Variants in RLF observed in about 807,000 individuals in gnomAD.
The protein encoded by RLF is zinc finger protein Rlf.
Under a neutral mutation model 162.9 loss-of-function variants are expected in RLF, and 7 were observed. That is an observed-to-expected ratio of 0.04 (90% CI 0.02 to 0.08). The LOEUF is 0.08. Ranked by LOEUF, RLF falls within the 10% of genes least tolerant of loss-of-function variation. RLF has a pLI of 1.00. For missense variants in RLF, 1,664 were observed against 2,244.7 expected, an observed-to-expected ratio of 0.74 and a Z score of 5.23; for synonymous variants, 782 against 791.5, an observed-to-expected ratio of 0.99 and a Z score of 0.20.
intron 1 of RLF, among the ~76,000 whole-genome samples, chr1:40,178,910 C>G (rs1334217700): frequency 1.4e-4 from 22 of 152,130 alleles, no homozygotes; most frequent in Admixed American, 1.4e-3. Context: ...TCTCAGCTCA[C>G]TGCAGCCTCC....
At chr1:40,228,383 A>G (rs1318714995) in intron 6 of RLF, among the ~76,000 whole-genome samples, 1 of 151,814 alleles carries the variant, frequency 6.6e-6, no homozygotes, top group Non-Finnish European at 1.5e-5. Flanking sequence ...CAGGAGTTCA[A>G]GACCAGCCTG....
chr1:40,175,639 A>G (rs1642314558), intron 1 of RLF, among the ~76,000 whole-genome samples: 1 of 151,818 alleles, frequency 6.6e-6, no homozygotes, highest in African/African-American at 2.4e-5. Context: ...ACAGAGTGAG[A>G]CTCCGACTCA....
At chr1:40,217,793 A>G (rs192105426) in intron 5 of RLF, among the ~76,000 whole-genome samples, 115 of 152,224 alleles carry the variant, frequency 7.6e-4, no homozygotes, top group Non-Finnish European at 1.5e-3. Context: ...AGAAAGAAAG[A>G]AAAACCCAAC....
chr1:40,191,928 ATT>A (rs1557744980), intron 3 of RLF, among the ~76,000 whole-genome samples: 1 of 152,190 alleles, frequency 6.6e-6, no homozygotes. Flanking sequence ...TTACACACAG[ATT>A]TCAAACCCTG....
In RLF at chr1:40,238,890, A is replaced by G. The variant is rs1473307707; in HGVS notation, c.4188A>G (p.Lys1396=). 3.1e-6 allele frequency: 5 copies of G among 1,614,128 alleles called. No individual in the cohort carries two copies. In the African/African-American group the frequency reaches 6.7e-5, roughly 22 times the overall value. Residue 1396 remains lysine, a synonymous_variant, in exon 8 of 8, where the codon AAA becomes AAG. Transcript: ENST00000372771. This position sits in a 1 kb window ranked among gnomAD's most constrained non-coding sequence, Gnocchi z 5.2. The part of the protein sequence containing the change: ...SHNLDHIEEP[K]VLSEAGSAAR... Reference sequence around the variant, plus strand: ...ACCTAGACCATATTGAAGAGCCTAAAGTACTTTCCGAAGCTGGATCTGCAG... The same window carrying G: ...ACCTAGACCATATTGAAGAGCCTAAGGTACTTTCCGAAGCTGGATCTGCAG...
intron 3 of RLF, among the ~76,000 whole-genome samples, chr1:40,194,176 G>A (rs1048024853): frequency 4.7e-5 from 7 of 149,752 alleles, no homozygotes; most frequent in Non-Finnish European, 8.9e-5. Context: ...GACTTTTCAG[G>A]ACATTTTATA....
In RLF at chr1:40,173,073, G is replaced by GTTTTTTTTTTTTT. The variant is rs765020752; in HGVS notation, c.237+11443_237+11455dup. 5.5e-3 allele frequency among the ~76,000 whole-genome samples: 706 copies of GTTTTTTTTTTTTT among 128,808 alleles called. 33 individuals are homozygous for GTTTTTTTTTTTTT. The highest frequency in any genetic ancestry group is 0.022 in the African/African-American group (677 of 31,054). 84.5% of individuals were successfully genotyped at this position (128,808 alleles called of 152,430 possible). A position where few individuals can be genotyped will look rare whatever the true frequency, so the allele number is the denominator to read the frequency against. ...TAATTTGCATTTTAGTAACATTCAG[G>GTTTTTTTTTTTTT]TTTTTTTTTTTTTTTTTTGTGAGGC... On this transcript the variant is annotated intron_variant, in intron 1 of 7. Transcript: ENST00000372771.
Position 40,161,573 on chromosome 1 carries a change from A to C in RLF, c.174A>C (p.Thr58=). The part of the protein sequence containing the change: ...GLRPCLWQLE[T]ELREQEVSEV... Reference sequence around the variant, plus strand: ...GGCCGTGTCTGTGGCAGCTGGAGACAGAGCTGAGGGAGCAAGAGGTGTCGG... The same window carrying C: ...GGCCGTGTCTGTGGCAGCTGGAGACCGAGCTGAGGGAGCAAGAGGTGTCGG... Residue 58 remains threonine, a synonymous_variant, in exon 1 of 8, where the codon ACA becomes ACC. Coordinates refer to ENST00000372771, the MANE Select transcript of RLF (RefSeq NM_012421.4). This position sits in a 1 kb window ranked among gnomAD's most constrained non-coding sequence, Gnocchi z 4.4. 1 of 1,612,570 alleles carries C rather than the reference A, an allele frequency of 6.2e-7. No individual in the cohort carries two copies. Among genetic ancestry groups the C allele is most frequent in the East Asian group, 2.2e-5 (1 of 44,698 alleles).
intron 1 of RLF, among the ~76,000 whole-genome samples, chr1:40,185,857 A>C (rs1381553064): frequency 2.0e-5 from 3 of 148,388 alleles, no homozygotes; most frequent in South Asian, 2.1e-4. Flanking sequence ...AAAAAAAAAA[A>C]AAAAAAAACC....
At chr1:40,225,918 G>A (rs1002428664) in intron 6 of RLF, among the ~76,000 whole-genome samples, 16 of 147,488 alleles carry the variant, frequency 1.1e-4, no homozygotes, top group African/African-American at 4.1e-4. Flanking sequence ...GGATGGTAGT[G>A]GTACGCACCT....
At chr1:40,179,562 G>A (rs1310046095) in intron 1 of RLF, among the ~76,000 whole-genome samples, 2 of 135,368 alleles carry the variant, frequency 1.5e-5, no homozygotes, top group Non-Finnish European at 3.1e-5. Flanking sequence ...TTTTTTTTTG[G>A]TACTTTTATT....
At chr1:40,164,906 CA>C (rs144187322) in intron 1 of RLF, among the ~76,000 whole-genome samples, 1,701 of 152,164 alleles carry the variant, frequency 0.011, 41 homozygotes, top group African/African-American at 0.039. Flanking sequence ...GTAAGTACTC[CA>C]TTAAAATTTC....
intron 7 of RLF, among the ~76,000 whole-genome samples, chr1:40,234,101 A>G (rs1188502983): frequency 6.6e-6 from 1 of 152,104 alleles, no homozygotes; most frequent in East Asian, 1.9e-4. Flanking sequence ...GGCCTGCATC[A>G]CCATGCCTGG....
chr1:40,220,106 TA>T, intron 5 of RLF, among the ~76,000 whole-genome samples: 1 of 152,180 alleles, frequency 6.6e-6, no homozygotes, highest in South Asian at 2.1e-4. Context: ...CGTGGTGTAG[TA>T]ATCCCAGCTA....
At chr1:40,217,190 G>A (rs566703273) in intron 5 of RLF, among the ~76,000 whole-genome samples, 439 of 152,194 alleles carry the variant, frequency 2.9e-3, no homozygotes, top group African/African-American at 0.01. Context: ...TTAAGGCTGG[G>A]TATGGTGACT....
chr1:40,224,776 C>T (rs1213402741), intron 6 of RLF, among the ~76,000 whole-genome samples: 1 of 150,050 alleles, frequency 6.7e-6, no homozygotes, highest in Non-Finnish European at 1.5e-5. Context: ...CAGCTAAGGT[C>T]AGGAGTTCAA....
chr1:40,212,747 C>T (rs138014850), intron 5 of RLF, among the ~76,000 whole-genome samples: 10 of 152,178 alleles, frequency 6.6e-5, no homozygotes, highest in Non-Finnish European at 1.2e-4. Flanking sequence ...AAGGAAAGGA[C>T]AAACAGGATC....
At chr1:40,212,678 G>A (rs549043716) in intron 5 of RLF, among the ~76,000 whole-genome samples, 8 of 152,196 alleles carry the variant, frequency 5.3e-5, no homozygotes, top group East Asian at 1.9e-4. Context: ...CTACATCTTC[G>A]GTATCTGACG....
intron 1 of RLF, among the ~76,000 whole-genome samples, chr1:40,167,569 C>G (rs1642184909): frequency 6.6e-6 from 1 of 152,118 alleles, no homozygotes; most frequent in Non-Finnish European, 1.5e-5. Context: ...CAAAAACTTA[C>G]TGCAAGACTG....
Sources: gnomAD v4.1 joint callset for allele counts (sites outside exome capture counted in the v4.1 genomes callset) on GRCh38, gnomAD v4.1.1 for gene constraint, Gnocchi (gnomAD v3.1) non-coding constraint, MANE v1.5 for transcripts, NCBI Gene and HGNC (gene_info 2026-07-23, HGNC 2026-07-21) for gene names.